The following IFITM3 variants were observed in gnomAD, a reference collection of about 807,000 sequenced individuals.
IFITM3 encodes the protein interferon-induced transmembrane protein 3.
In IFITM3, 5 loss-of-function variants were observed where a neutral mutation model predicts 5.2. The ratio of observed to expected loss-of-function variants is 0.96; its 90% CI spans 0.50 to 2.03. The LOEUF (loss-of-function observed/expected upper bound fraction) is 2.03. IFITM3 is among the 30% of genes most tolerant of loss of function. IFITM3 has a pLI of 0.01. For synonymous variants in IFITM3, 81 were observed against 77.6 expected (o/e 1.04, Z -0.23); for missense variants, 156 against 177.3 (o/e 0.88, Z 0.68).
Position 319,974 on chromosome 11 carries a change from A to G in IFITM3, c.266T>C (p.Met89Thr). ...CTGGGCCCCGGTCACGTCGCCAACCATCTTCCTGTCCCTAGACTGGGGGAG... is the reference window on the plus strand; with the variant it reads ...CTGGGCCCCGGTCACGTCGCCAACCGTCTTCCTGTCCCTAGACTGGGGGAG... ...AYSVKSRDRK[M>T]VGDVTGAQAY... The change falls in exon 2 of 2, where the codon ATG becomes ACG. Residue 89 changes from methionine to threonine, a missense_variant. By Grantham distance (81) the Met-to-Thr change is moderately conservative. Transcript: ENST00000399808. 1.2e-6 allele frequency: 2 copies of G among 1,613,776 alleles called. No individual in the cohort carries two copies. Among genetic ancestry groups the G allele is most frequent in the Non-Finnish European group, 1.7e-6 (2 of 1,179,970 alleles).
Position 320,612 on chromosome 11 carries a change from T to G in IFITM3, c.202A>C (p.Met68Leu), listed in dbSNP as rs748795161. The G allele has an allele frequency of 1.2e-6, 2 of 1,613,670 alleles. No homozygotes were observed. Among genetic ancestry groups the G allele is most frequent in the Non-Finnish European group, 1.7e-6 (2 of 1,179,812 alleles). Reference sequence around the variant, plus strand: ...ATGAAGCCCAGGCAGCAGGGGTTCATGAAGAGGGTGTTGAACAGGGACCAG... The same window carrying G: ...ATGAAGCCCAGGCAGCAGGGGTTCAGGAAGAGGGTGTTGAACAGGGACCAG... Reference protein sequence around the residue: ...VVWSLFNTLFMNPCCLGFIAF... With the variant: ...VVWSLFNTLFLNPCCLGFIAF... The change falls in exon 1 of 2, where the codon ATG (methionine) becomes CTG (leucine). Residue 68 changes from methionine (M) to leucine (L), a missense_variant. By Grantham distance (15) the Met-to-Leu change is conservative. Coordinates refer to ENST00000399808, the MANE Select transcript of IFITM3 (RefSeq NM_021034.3).
intron 1 of IFITM3, 73 bp from the exon 2 acceptor site, chr11:320,063 A>G: frequency 6.2e-7 from 1 of 1,600,958 alleles, no homozygotes; most frequent in Non-Finnish European, 8.5e-7. Flanking sequence ...CCGTCTCCTC[A>G]TTGGCTCTCC....
In IFITM3 at chr11:319,957, C is replaced by A. The variant is rs779445843; in HGVS notation, c.283G>T (p.Gly95Trp). 1 of 1,613,994 alleles carries A rather than the reference C, an allele frequency of 6.2e-7. No homozygotes were observed. Among genetic ancestry groups the A allele is most frequent in the Admixed American group, 1.7e-5 (1 of 60,018 alleles). ...GCGGTGGAGGCATAGGCCTGGGCCC[C>A]GGTCACGTCGCCAACCATCTTCCTG... ...RDRKMVGDVT[G>W]AQAYASTAKC... The change falls in exon 2 of 2, where the codon GGG (glycine) becomes TGG (tryptophan). Residue 95 changes from glycine (G) to tryptophan (W), a missense_variant. Gly to Trp is a radical substitution (Grantham distance 184). Coordinates refer to ENST00000399808, the MANE Select transcript of IFITM3 (RefSeq NM_021034.3).
At position 319,992 on chromosome 11, in the gene IFITM3, TG is replaced by T; in HGVS notation, c.250-3del. On this transcript the variant is annotated splice_polypyrimidine_tract_variant and splice_region_variant and intron_variant, in intron 1 of 1. Coordinates refer to ENST00000399808, the MANE Select transcript of IFITM3 (RefSeq NM_021034.3). ...GCCAACCATCTTCCTGTCCCTAGAC[TG>T]GGGGAGAGGAGATGGTGAGGGGACC... is the stretch of plus-strand genomic sequence containing the variant. 1 of 1,613,130 alleles carries T rather than the reference TG, an allele frequency of 6.2e-7. No individual in the cohort carries two copies. The highest frequency in any genetic ancestry group is 1.8e-4 in the Middle Eastern group (1 of 5,692).
intron 1 of IFITM3, 152 bp downstream of exon 1, chr11:320,413 G>T: frequency 7.9e-7 from 1 of 1,268,700 alleles, no homozygotes; most frequent in South Asian, 1.3e-5. Flanking sequence ...AGATCACACA[G>T]ACAAAGCCAC....
chr11:319,725 G>C lies in IFITM3; in HGVS notation c.*113C>G. On this transcript the variant is annotated 3_prime_UTR_variant, in exon 2 of 2. Transcript: ENST00000399808. ...AATGCCATTGTAGAAAAGCGTGTGAGGATAAAGGGCTGATACAGGACTCGG... is the reference window on the plus strand; with the variant it reads ...AATGCCATTGTAGAAAAGCGTGTGACGATAAAGGGCTGATACAGGACTCGG... The C allele has an allele frequency of 7.4e-7, 1 of 1,343,280 alleles. No homozygotes were observed. Among genetic ancestry groups the C allele is most frequent in the South Asian group, 1.2e-5 (1 of 83,590 alleles). The allele number at this position is 1,343,280 out of a possible 1,614,324, so 83.2% of individuals were successfully genotyped here.
At position 320,768 on chromosome 11, in the gene IFITM3, G is replaced by A. The variant is rs2119493362; in HGVS notation, c.46C>T (p.Gln16Ter). The part of the protein sequence containing the change: ...QTFFSPVNSG[Q>*]PPNYEMLKEE... Reference sequence around the variant, plus strand: ...TTGAGCATCTCATAGTTGGGGGGCTGGCCACTGTTGACAGGAGAGAAGAAG... The same window carrying A: ...TTGAGCATCTCATAGTTGGGGGGCTAGCCACTGTTGACAGGAGAGAAGAAG... The change falls in exon 1 of 2, where the codon CAG (glutamine) becomes TAG (stop). Residue 16 changes from glutamine to a stop codon, truncating the protein, a stop_gained. Coordinates refer to ENST00000399808, the MANE Select transcript of IFITM3 (RefSeq NM_021034.3). LOFTEE classifies it high-confidence loss of function. 6.2e-7 allele frequency: 1 copy of A among 1,613,848 alleles called. No individual in the cohort carries two copies. Among genetic ancestry groups the A allele is most frequent in the Non-Finnish European group, 8.5e-7 (1 of 1,179,896 alleles).
rs369464751 is a variant in IFITM3, at chr11:319,964, G to A, written c.276C>T (p.Asp92=). The A allele has an allele frequency of 1.1e-5, 18 of 1,613,860 alleles. No homozygotes were observed. The highest frequency in any genetic ancestry group is 2.2e-5 in the East Asian group (1 of 44,894). The change falls in exon 2 of 2, where the codon GAC becomes GAT. Residue 92 remains aspartate, a synonymous_variant. Coordinates refer to ENST00000399808, the MANE Select transcript of IFITM3 (RefSeq NM_021034.3). ...AGGCATAGGCCTGGGCCCCGGTCAC[G>A]TCGCCAACCATCTTCCTGTCCCTAG... ...VKSRDRKMVG[D]VTGAQAYAST... is the part of the protein sequence containing the mutation.
Position 320,518 on chromosome 11 carries a change from T to C in IFITM3, c.249+47A>G, listed in dbSNP as rs199689617. 1.6e-3 allele frequency: 2,600 copies of C among 1,602,612 alleles called. 1 individual carries two copies. Among genetic ancestry groups the C allele is most frequent in the African/African-American group, 3.1e-3 (234 of 74,828 alleles). On this transcript the variant is annotated intron_variant, in intron 1 of 1. Transcript: ENST00000399808. The stretch of plus-strand genomic sequence containing the variant: ...CAGGCAGCATGTGGGCAGGTGGAGC[T>C]CCAGGCTCAGCGGCACCCTCTGAGC...
chr11:320,702 G>T lies in IFITM3; in HGVS notation c.112C>A (p.Pro38Thr), dbSNP rs752228257. ...ATCACGGTGGACGTCGGGGGAGCAG[G>T]GTTGTGGGGCGCCCCCAGCACAGCC... ...EVAVLGAPHN[P>T]APPTSTVIHI... Residue 38 changes from proline (P) to threonine (T), a missense_variant, in exon 1 of 2, where the codon CCT (proline) becomes ACT (threonine). Pro to Thr is a conservative substitution (Grantham distance 38, BLOSUM62 -1). Coordinates refer to ENST00000399808, the MANE Select transcript of IFITM3 (RefSeq NM_021034.3). 6.2e-7 allele frequency: 1 copy of T among 1,613,214 alleles called. No individual in the cohort carries two copies. The highest frequency in any genetic ancestry group is 1.1e-5 in the South Asian group (1 of 91,024).
rs754176518 is a variant in IFITM3, at chr11:320,692, G to A, written c.122C>T (p.Pro41Leu). ...GCGGATGTGGATCACGGTGGACGTC[G>A]GGGGAGCAGGGTTGTGGGGCGCCCC... ...VLGAPHNPAP[P>L]TSTVIHIRSE... The change falls in exon 1 of 2, where the codon CCG (proline) becomes CTG (leucine). Residue 41 changes from proline (P) to leucine (L), a missense_variant. Physicochemically the swap from Pro to Leu is moderately conservative, Grantham distance 98 (BLOSUM62 -3). Transcript: ENST00000399808. 36 of 1,613,770 alleles carry A rather than the reference G, an allele frequency of 2.2e-5. No individual in the cohort carries two copies. Among genetic ancestry groups the A allele is most frequent in the African/African-American group, 8.0e-5 (6 of 74,924 alleles).
At position 319,751 on chromosome 11, in the gene IFITM3, C is replaced by G; in HGVS notation, c.*87G>C. ...GATAAAGGGCTGATACAGGACTCGG[C>G]TCCGGGGGCAGGGCGAGGAATGGAA... On this transcript the variant is annotated 3_prime_UTR_variant, in exon 2 of 2. Transcript: ENST00000399808. 1 of 1,568,550 alleles carries G rather than the reference C, an allele frequency of 6.4e-7. No individual in the cohort carries two copies. Among genetic ancestry groups the G allele is most frequent in the Non-Finnish European group, 8.8e-7 (1 of 1,139,728 alleles).
Position 320,821 on chromosome 11 carries a change from A to T in IFITM3, c.-8T>A, listed in dbSNP as rs746236413. 3 of 1,600,470 alleles carry T rather than the reference A, an allele frequency of 1.9e-6. No individual in the cohort carries two copies. The highest frequency in any genetic ancestry group is 2.6e-6 in the Non-Finnish European group (3 of 1,169,626). On this transcript the variant is annotated 5_prime_UTR_variant, in exon 1 of 2. Coordinates refer to ENST00000399808, the MANE Select transcript of IFITM3 (RefSeq NM_021034.3). ...TTGGACAGTGTGATTCATGGTGTCC[A>T]GCGAAGACCAGCGGCGGTCGGGTTA...
intron 1 of IFITM3, 55 bp from the exon 2 acceptor site, chr11:320,045 C>T: frequency 6.2e-7 from 1 of 1,604,870 alleles, no homozygotes; most frequent in South Asian, 1.1e-5. Context: ...GAGCCGCGTG[C>T]TATGGCTCCG....
intron 1 of IFITM3, 94 bp downstream of exon 1, chr11:320,471 A>T: frequency 6.5e-7 from 1 of 1,545,550 alleles, no homozygotes; most frequent in Non-Finnish European, 8.9e-7. Context: ...TCACAGTCAC[A>T]GGGACACACA....
Position 320,631 on chromosome 11 carries a change from G to C in IFITM3, c.183C>G (p.Ser61=). 6.2e-7 allele frequency: 1 copy of C among 1,613,910 alleles called. No homozygotes were observed. Among genetic ancestry groups the C allele is most frequent in the Non-Finnish European group, 8.5e-7 (1 of 1,179,868 alleles). ...ETSVPDHVVW[S]LFNTLFMNPC... is the part of the protein sequence containing the mutation. ...GGTTCATGAAGAGGGTGTTGAACAG[G>C]GACCAGACGACATGGTCGGGCACGG... Residue 61 remains serine (S), a synonymous_variant, in exon 1 of 2, where the codon TCC becomes TCG. Coordinates refer to ENST00000399808, the MANE Select transcript of IFITM3 (RefSeq NM_021034.3).
chr11:320,787 G>A lies in IFITM3; in HGVS notation c.27C>T (p.Phe9=), dbSNP rs757159164. 6.2e-7 allele frequency: 1 copy of A among 1,613,738 alleles called. No homozygotes were observed. The highest frequency in any genetic ancestry group is 1.7e-5 in the Admixed American group (1 of 60,016). ...GGGGCTGGCCACTGTTGACAGGAGA[G>A]AAGAAGGTTTGGACAGTGTGATTCA... MNHTVQTF[F]SPVNSGQPPN... Residue 9 remains phenylalanine, a synonymous_variant, in exon 1 of 2, where the codon TTC becomes TTT. Coordinates refer to ENST00000399808, the MANE Select transcript of IFITM3 (RefSeq NM_021034.3).
Position 320,831 on chromosome 11 carries a change from A to C in IFITM3, c.-18T>G, listed in dbSNP as rs762556949. 1.9e-6 allele frequency: 3 copies of C among 1,595,738 alleles called. No individual in the cohort carries two copies. The highest frequency in any genetic ancestry group is 2.6e-6 in the Non-Finnish European group (3 of 1,166,304). On this transcript the variant is annotated 5_prime_UTR_variant, in exon 1 of 2. Coordinates refer to ENST00000399808, the MANE Select transcript of IFITM3 (RefSeq NM_021034.3). ...TGATTCATGGTGTCCAGCGAAGACC[A>C]GCGGCGGTCGGGTTACTGGGATGGT...
rs1445010774 is a variant in IFITM3, at chr11:319,790, G to A, written c.*48C>T. The A allele has an allele frequency of 6.2e-7, 1 of 1,612,456 alleles. No homozygotes were observed. Among genetic ancestry groups the A allele is most frequent in the East Asian group, 2.2e-5 (1 of 44,872 alleles). On this transcript the variant is annotated 3_prime_UTR_variant, in exon 2 of 2. Transcript: ENST00000399808. Reference sequence around the variant, plus strand: ...CGAGGAATGGAAGTTGGAGTACGTGGGATACAGGTCATGGGCAGAGCTCCT... The same window carrying A: ...CGAGGAATGGAAGTTGGAGTACGTGAGATACAGGTCATGGGCAGAGCTCCT...
Sources: gnomAD v4.1 joint callset for allele counts on GRCh38, gnomAD v4.1.1 for gene constraint, MANE v1.5 for transcripts, NCBI Gene and HGNC (gene_info 2026-07-23, HGNC 2026-07-21) for gene names.